OSBPL10: variants seen among roughly 807,000 people sequenced by gnomAD.
OSBPL10 encodes oxysterol binding protein like 10.
A neutral mutation model predicts 81.7 loss-of-function variants in OSBPL10; 49 were observed. The observed-to-expected ratio is 0.60, with a 90% CI of 0.48 to 0.76. The LOEUF (loss-of-function observed/expected upper bound fraction) is 0.76, where lower values mean the gene tolerates loss of function less well. Among genes scored for constraint, OSBPL10 ranks in the 30% least tolerant of loss-of-function variants. The probability of loss-of-function intolerance (pLI) is 0.00; values close to 1 mark genes in which losing one functional copy is unlikely to be tolerated. For missense variants in OSBPL10, 923 were observed against 987.8 expected (o/e 0.93, Z 0.88); for synonymous variants, 419 against 383.6 (o/e 1.09, Z -1.08).
chr3:31,948,110 G>A (rs559856650), intron 1 of OSBPL10, among the ~76,000 whole-genome samples: 3 of 152,182 alleles, frequency 2.0e-5, no homozygotes, highest in South Asian at 2.1e-4. Flanking sequence ...TCCAGTGAAA[G>A]GTACAGGCAT....
chr3:31,670,709 C>A (rs1420270502), intron 9 of OSBPL10, 88 bp downstream of exon 9: 7 of 1,351,356 alleles, frequency 5.2e-6, no homozygotes, highest in African/African-American at 2.9e-5. Flanking sequence ...CAACTCATCC[C>A]ATTACTGAAA....
At chr3:32,066,217 G>T (rs1398587286) in intron 1 of OSBPL10, among the ~76,000 whole-genome samples, 1 of 77,518 alleles carries the variant, frequency 1.3e-5, no homozygotes, top group Non-Finnish European at 3.4e-5. Context: ...AGGAAGGAAG[G>T]ACATCCCCCA....
At chr3:31,964,858 A>C (rs1049353461) in intron 1 of OSBPL10, among the ~76,000 whole-genome samples, 7 of 152,170 alleles carry the variant, frequency 4.6e-5, no homozygotes, top group African/African-American at 1.7e-4. Flanking sequence ...TTCAGGGGAA[A>C]ATCTGAATAT....
intron 1 of OSBPL10, among the ~76,000 whole-genome samples, chr3:31,890,542 G>A (rs1695864837): frequency 6.6e-6 from 1 of 152,118 alleles, no homozygotes; most frequent in Non-Finnish European, 1.5e-5. Context: ...ACCAGCCTGA[G>A]AGGCTGCTGC....
chr3:31,942,333 G>C (rs1697559192), intron 1 of OSBPL10, among the ~76,000 whole-genome samples: 1 of 151,728 alleles, frequency 6.6e-6, no homozygotes, highest in Non-Finnish European at 1.5e-5. Context: ...GGGCGGATCA[G>C]GAGTTTGAGA....
At chr3:32,070,093 T>C (rs1699816390) in intron 1 of OSBPL10, among the ~76,000 whole-genome samples, 1 of 152,186 alleles carries the variant, frequency 6.6e-6, no homozygotes, top group South Asian at 2.1e-4. Context: ...CCTGATCACA[T>C]TGGAAGCCCC....
chr3:31,885,569 T>C (rs1395234029), intron 1 of OSBPL10, among the ~76,000 whole-genome samples: 1 of 152,146 alleles, frequency 6.6e-6, no homozygotes, highest in African/African-American at 2.4e-5. Flanking sequence ...CATAGTTTCA[T>C]TAAGGTTCAA....
At position 31,662,347 on chromosome 3, in the gene OSBPL10, T is replaced by A. The variant is rs148578819; in HGVS notation, c.2251-231A>T. On this transcript the variant is annotated intron_variant, in intron 11 of 11. Coordinates refer to ENST00000396556, the MANE Select transcript of OSBPL10 (RefSeq NM_017784.5). ...AGGAAACCCCAAGAAATGAGCAAAA[T>A]AAAAGGGGAGCTTGGTTGGCTTCCA... 9.1e-5 allele frequency: 116 copies of A among 1,276,116 alleles called. 2 individuals are homozygous for A. The Middle Eastern group carries it at 1.5e-3, about 17-fold the overall frequency. 79.0% of individuals were successfully genotyped at this position (1,276,116 alleles called of 1,614,324 possible). A position where few individuals can be genotyped will look rare whatever the true frequency, so the allele number is the denominator to read the frequency against.
intron 6 of OSBPL10, among the ~76,000 whole-genome samples, chr3:31,720,542 C>T (rs1696601180): frequency 6.6e-6 from 1 of 152,150 alleles, no homozygotes; most frequent in Non-Finnish European, 1.5e-5. Flanking sequence ...GTTTTATCTC[C>T]ATGCTCTATG....
chr3:31,668,935 G>A (rs141918739), intron 9 of OSBPL10, 111 bp from the exon 10 acceptor site: 29 of 989,138 alleles, frequency 2.9e-5, no homozygotes, highest in African/African-American at 1.5e-4. Context: ...TGGGAAGGAG[G>A]GATTGTTTTT....
chr3:31,821,273 T>C (rs558207364), intron 4 of OSBPL10, among the ~76,000 whole-genome samples: 1 of 152,166 alleles, frequency 6.6e-6, no homozygotes, highest in South Asian at 2.1e-4. Flanking sequence ...CCAAATCCAA[T>C]GACTCTCAAA....
Position 31,664,131 on chromosome 3 carries a change from C to T in OSBPL10, c.2198G>A (p.Arg733Gln), listed in dbSNP as rs372208320. The change falls in exon 11 of 12, where the codon CGG (arginine) becomes CAG (glutamine). Residue 733 changes from arginine (R) to glutamine (Q), a missense_variant. Arg to Gln is a conservative substitution (Grantham distance 43, BLOSUM62 1). Around this residue, in one of 3 missense-constraint regions of OSBPL10, gnomAD observed 387 missense variants for 436.3 expected, o/e 0.89. Coordinates refer to ENST00000396556, the MANE Select transcript of OSBPL10 (RefSeq NM_017784.5). ...HLEEKQRVEE[R>Q]KRENLRTPWK... ...TGGTGTGCGGAGGTTCTCGCGCTTC[C>T]GTTCCTCCACCCGTTGCTTCTCCTC... 2 of 1,613,954 alleles carry T rather than the reference C, an allele frequency of 1.2e-6. No homozygotes were observed. The highest frequency in any genetic ancestry group is 8.5e-7 in the Non-Finnish European group (1 of 1,180,008).
In OSBPL10 at chr3:31,878,588, T is replaced by C. The variant is rs138381177; in HGVS notation, c.457+1067A>G. On this transcript the variant is annotated intron_variant, in intron 2 of 11. Coordinates refer to ENST00000396556, the MANE Select transcript of OSBPL10 (RefSeq NM_017784.5). ...TGGGTAGTGAAGCTTGGCAGAAGAA[T>C]GGTGAAAACTGGGCTGAGAGGTGAG... Among the ~76,000 whole-genome samples, 437 of 152,328 alleles carry C rather than the reference T, an allele frequency of 2.9e-3. 3 individuals carry two copies. The Middle Eastern group carries it at 0.044, about 15-fold the overall frequency.
At position 31,844,746 on chromosome 3, in the gene OSBPL10, T is replaced by C. The variant is rs556089597; in HGVS notation, c.538-14515A>G. 5.9e-5 allele frequency among the ~76,000 whole-genome samples: 9 copies of C among 152,306 alleles called. 1 individual carries two copies. In the South Asian group the frequency reaches 1.9e-3, roughly 32 times the overall value. Reference sequence around the variant, plus strand: ...AGTGGTGGCTATACAACATAACGAATGTACTAAACATCATTTAATTGTCCT... The same window carrying C: ...AGTGGTGGCTATACAACATAACGAACGTACTAAACATCATTTAATTGTCCT... On this transcript the variant is annotated intron_variant, in intron 3 of 11. Transcript: ENST00000396556.
chr3:31,678,375 G>A (rs1341381002), intron 8 of OSBPL10, among the ~76,000 whole-genome samples: 1 of 152,186 alleles, frequency 6.6e-6, no homozygotes, highest in African/African-American at 2.4e-5. Flanking sequence ...ATTGTGTGGG[G>A]AAGAGAGAAT....
At chr3:32,015,896 G>A (rs1208730458) in intron 2 of OSBPL10, among the ~76,000 whole-genome samples, 1 of 152,224 alleles carries the variant, frequency 6.6e-6, no homozygotes. Context: ...ACCACAATGA[G>A]ATACCATCTC....
At chr3:32,008,643 G>C (rs1699225888) in intron 2 of OSBPL10, among the ~76,000 whole-genome samples, 1 of 151,642 alleles carries the variant, frequency 6.6e-6, no homozygotes, top group Non-Finnish European at 1.5e-5. Flanking sequence ...CTGGCTACTG[G>C]GGAGGCTGAA....
chr3:31,662,692 T>C, intron 11 of OSBPL10: 1 of 985,514 alleles, frequency 1.0e-6, no homozygotes, highest in Non-Finnish European at 1.2e-6. Context: ...CTCTTATTCC[T>C]TACATGTTCC....
At chr3:32,045,253 C>A (rs1218671900) in intron 2 of OSBPL10, among the ~76,000 whole-genome samples, 1 of 152,178 alleles carries the variant, frequency 6.6e-6, no homozygotes, top group East Asian at 1.9e-4. Context: ...TTCCAAGTCC[C>A]TTTGCTTGTA....
Sources: gnomAD v4.1 joint callset for allele counts (sites outside exome capture counted in the v4.1 genomes callset) on GRCh38, gnomAD v4.1.1 for gene constraint, gnomAD v4.1.1 regional missense constraint, MANE v1.5 for transcripts, NCBI Gene and HGNC (gene_info 2026-07-23, HGNC 2026-07-21) for gene names.